Variants in EXOC6 observed in about 807,000 individuals in gnomAD.
EXOC6 encodes the protein SEC15-like 1.
A neutral mutation model predicts 112.5 loss-of-function variants in EXOC6; 60 were observed. The ratio of observed to expected loss-of-function variants is 0.53; its 90% CI spans 0.43 to 0.66. The LOEUF is 0.66. Among genes scored for constraint, EXOC6 ranks in the 30% least tolerant of loss-of-function variants. The probability of loss-of-function intolerance (pLI) is 0.00; values close to 1 mark genes in which losing one functional copy is unlikely to be tolerated. For synonymous variants in EXOC6, 295 were observed against 308.0 expected (o/e 0.96, Z 0.44); for missense variants, 855 against 957.1 (o/e 0.89, Z 1.41).
intron 20 of EXOC6, among the ~76,000 whole-genome samples, chr10:93,025,521 A>G (rs942654841): frequency 1.3e-5 from 2 of 152,148 alleles, no homozygotes; most frequent in African/African-American, 2.4e-5. Context: ...CAAGTGTACT[A>G]TTTTCTTCTT....
At chr10:92,834,564 A>G, upstream of EXOC6, 1 of 502,322 alleles carries the variant, frequency 2.0e-6, no homozygotes, top group Non-Finnish European at 3.5e-6. Context: ...TCTTGGAAGC[A>G]AAGACTTTTA....
chr10:93,044,862 G>A (rs1242040672), intron 20 of EXOC6, among the ~76,000 whole-genome samples: 1 of 151,986 alleles, frequency 6.6e-6, no homozygotes, highest in Admixed American at 6.6e-5. Flanking sequence ...AGTTTTGGGG[G>A]ATTTTTTATT....
At chr10:93,028,623 T>A (rs1027251655) in intron 20 of EXOC6, among the ~76,000 whole-genome samples, 1 of 152,010 alleles carries the variant, frequency 6.6e-6, no homozygotes, top group African/African-American at 2.4e-5. Flanking sequence ...TCACCTGAGG[T>A]CGGGAGATCA....
chr10:92,953,724 A>G (rs778200147), intron 15 of EXOC6, among the ~76,000 whole-genome samples: 29 of 152,226 alleles, frequency 1.9e-4, no homozygotes, highest in Non-Finnish European at 4.0e-4. Context: ...ATCATTATTT[A>G]CTTAAATTGA....
At chr10:92,936,848 C>T (rs555753641) in intron 12 of EXOC6, among the ~76,000 whole-genome samples, 17 of 152,042 alleles carry the variant, frequency 1.1e-4, no homozygotes, top group African/African-American at 2.4e-4. Context: ...AATATCACAG[C>T]GGGGGGTTTA....
chr10:92,907,336 T>C (rs568799331), intron 5 of EXOC6, among the ~76,000 whole-genome samples: 1 of 152,318 alleles, frequency 6.6e-6, no homozygotes, highest in South Asian at 2.1e-4. Flanking sequence ...TCTGACTTGC[T>C]CTTCTTATTG....
chr10:93,007,484 CT>C lies in EXOC6; in HGVS notation c.2096-6709del, dbSNP rs527622558. On this transcript the variant is annotated intron_variant, in intron 19 of 21. Transcript: ENST00000260762. ...TGGCCAACATGATGAAACCCCGTCTCTATTAAAAATACAAAAAAATTAGCTG... is the reference window on the plus strand; with the variant it reads ...TGGCCAACATGATGAAACCCCGTCTCATTAAAAATACAAAAAAATTAGCTG... 5.4e-4 allele frequency among the ~76,000 whole-genome samples: 82 copies of C among 152,046 alleles called. 1 individual carries two copies. In the South Asian group the frequency reaches 9.6e-3, roughly 18 times the overall value.
At chr10:92,987,162 A>G (rs1283048424) in intron 18 of EXOC6, among the ~76,000 whole-genome samples, 1 of 152,204 alleles carries the variant, frequency 6.6e-6, no homozygotes, top group African/African-American at 2.4e-5. Context: ...CTTGTTAAAT[A>G]TTTAGATTCC....
rs201253450 is a variant in EXOC6, at chr10:92,893,520, G to A, written c.273G>A (p.Lys91=). Residue 91 remains lysine, a splice_region_variant and synonymous_variant, in exon 2 of 22, where the codon AAG becomes AAA. Coordinates refer to ENST00000260762, the MANE Select transcript of EXOC6 (RefSeq NM_019053.6). ...TAAGGACTGATGCAGAAAAACTGAA[G>A]GTAAGAAATATGTTAAAATTATTTG... is the stretch of plus-strand genomic sequence containing the variant. The part of the protein sequence containing the change: ...LKVRTDAEKL[K]VQVTDTNRRF... 1 of 1,590,690 alleles carries A rather than the reference G, an allele frequency of 6.3e-7. No homozygotes were observed. Among genetic ancestry groups the A allele is most frequent in the Non-Finnish European group, 8.6e-7 (1 of 1,169,518 alleles).
intron 18 of EXOC6, among the ~76,000 whole-genome samples, chr10:92,975,152 C>T (rs1194443026): frequency 2.7e-5 from 4 of 149,448 alleles, no homozygotes; most frequent in African/African-American, 7.4e-5. Context: ...ATCCCATGTA[C>T]GAAGTGAGGA....
upstream of EXOC6, among the ~76,000 whole-genome samples, chr10:92,833,521 T>C (rs1846558401): frequency 6.6e-6 from 1 of 152,180 alleles, no homozygotes; most frequent in Non-Finnish European, 1.5e-5. Flanking sequence ...CGACAAATAC[T>C]GTGCCCACAG....
At chr10:93,034,043 T>C (rs1337093603) in intron 20 of EXOC6, among the ~76,000 whole-genome samples, 1 of 152,224 alleles carries the variant, frequency 6.6e-6, no homozygotes, top group Non-Finnish European at 1.5e-5. Flanking sequence ...GGAAACTGTT[T>C]CCTGAACTAT....
chr10:92,932,636 GCA>G lies in EXOC6; in HGVS notation c.973-1507_973-1506del, dbSNP rs143040821. Among the ~76,000 whole-genome samples, 336 of 152,250 alleles carry G rather than the reference GCA, an allele frequency of 2.2e-3. 1 individual carries two copies. The highest frequency in any genetic ancestry group is 7.4e-3 in the African/African-American group (309 of 41,566). On this transcript the variant is annotated intron_variant, in intron 9 of 21. Coordinates refer to ENST00000260762, the MANE Select transcript of EXOC6 (RefSeq NM_019053.6). ...GATAGACATTTTCAGACAAAGAAGA[GCA>G]GAGTTGGCCACTAAGACACGCTTAC...
At position 92,975,134 on chromosome 10, in the gene EXOC6, C is replaced by T. The variant is rs537847351; in HGVS notation, c.1953+902C>T. ...CTAGGAAGTGAGGAGCGCCTCTTCC[C>T]GGCCGCCATCCCATGTACGAAGTGA... On this transcript the variant is annotated intron_variant, in intron 18 of 21. Coordinates refer to ENST00000260762, the MANE Select transcript of EXOC6 (RefSeq NM_019053.6). 1.1e-4 allele frequency among the ~76,000 whole-genome samples: 16 copies of T among 152,002 alleles called. No homozygotes were observed. The South Asian group carries it at 2.5e-3, about 24-fold the overall frequency.
chr10:92,976,195 G>A (rs1361619205), intron 18 of EXOC6, among the ~76,000 whole-genome samples: 2 of 152,114 alleles, frequency 1.3e-5, no homozygotes, highest in Non-Finnish European at 1.5e-5. Flanking sequence ...CATTGAGAAC[G>A]GGCCATGATG....
intron 20 of EXOC6, among the ~76,000 whole-genome samples, chr10:93,037,936 A>G (rs192903278): frequency 0.016 from 2,395 of 148,172 alleles, 32 homozygotes; most frequent in Non-Finnish European, 0.027. Context: ...GCTGCTCGGA[A>G]GGTGGAGGCA....
In EXOC6 at chr10:93,044,853, GT is replaced by G. The variant is rs545866510; in HGVS notation, c.2170-12067del. The stretch of plus-strand genomic sequence containing the variant: ...GTGCCTCTGGGGACTTAAATATTTA[GT>G]TTTGGGGGATTTTTTATTTGTTTGT... On this transcript the variant is annotated intron_variant, in intron 20 of 21. Transcript: ENST00000260762. Among the ~76,000 whole-genome samples the G allele has an allele frequency of 3.3e-3, 503 of 152,044 alleles. 3 individuals are homozygous for G. The highest frequency in any genetic ancestry group is 0.012 in the African/African-American group (481 of 41,486).
intron 1 of EXOC6, among the ~76,000 whole-genome samples, chr10:92,874,183 C>T (rs921912489): frequency 2.6e-5 from 4 of 152,066 alleles, no homozygotes; most frequent in Admixed American, 2.6e-4. Flanking sequence ...GGTTTGAATA[C>T]CAAGCAGCAG....
chr10:93,012,556 G>C (rs1359505662), intron 19 of EXOC6, among the ~76,000 whole-genome samples: 2 of 152,180 alleles, frequency 1.3e-5, no homozygotes, highest in Non-Finnish European at 2.9e-5. Context: ...CCCCAGAGAT[G>C]CCAGATAAAT....
Sources: gnomAD v4.1 joint callset for allele counts (sites outside exome capture counted in the v4.1 genomes callset) on GRCh38, gnomAD v4.1.1 for gene constraint, MANE v1.5 for transcripts, NCBI Gene and HGNC (gene_info 2026-07-23, HGNC 2026-07-21) for gene names.